KCNH5: variants seen among roughly 807,000 people sequenced by gnomAD.
KCNH5 encodes voltage-gated delayed rectifier potassium channel KCNH5.
In KCNH5, 46 loss-of-function variants were observed where a neutral mutation model predicts 96.1. The observed-to-expected ratio is 0.48, with a 90% CI of 0.38 to 0.61. The LOEUF is 0.61. Ranked by LOEUF, KCNH5 falls within the 20% of genes least tolerant of loss-of-function variation. The pLI, the probability that KCNH5 is intolerant of heterozygous loss-of-function variation, is 0.00. For missense variants in KCNH5, 907 were observed against 1,225.8 expected (o/e 0.74, Z 3.88); for synonymous variants, 439 against 449.8 (o/e 0.98, Z 0.30).
chr14:62,884,125 T>C (rs1244663758), intron 7 of KCNH5, among the ~76,000 whole-genome samples: 1 of 152,208 alleles, frequency 6.6e-6, no homozygotes, highest in Non-Finnish European at 1.5e-5. Flanking sequence ...TGTTAGAATT[T>C]AAAATATTTT....
intron 7 of KCNH5, among the ~76,000 whole-genome samples, chr14:62,861,750 A>G (rs1453603568): frequency 6.6e-6 from 1 of 151,734 alleles, no homozygotes; most frequent in African/African-American, 2.4e-5. Flanking sequence ...AAATTCTTTG[A>G]TTGCATCTTT....
At chr14:62,945,615 C>T (rs554159609) in intron 7 of KCNH5, among the ~76,000 whole-genome samples, 1 of 152,112 alleles carries the variant, frequency 6.6e-6, no homozygotes, top group Admixed American at 6.5e-5. Flanking sequence ...GGGTTCGGAT[C>T]GTGGTAGGGA....
chr14:62,961,232 A>T (rs1253381941), intron 6 of KCNH5, among the ~76,000 whole-genome samples: 1 of 152,158 alleles, frequency 6.6e-6, no homozygotes, highest in Non-Finnish European at 1.5e-5. Context: ...CTACCTCTTC[A>T]GACTCACCTT....
At chr14:62,816,005 T>C (rs561513398) in intron 8 of KCNH5, among the ~76,000 whole-genome samples, 2 of 151,930 alleles carry the variant, frequency 1.3e-5, no homozygotes, top group South Asian at 4.1e-4. Context: ...AATTTGAGAG[T>C]TGATGATATA....
At chr14:62,843,891 C>T (rs760440617) in intron 8 of KCNH5, among the ~76,000 whole-genome samples, 22 of 151,444 alleles carry the variant, frequency 1.5e-4, no homozygotes, top group Admixed American at 5.9e-4. Context: ...TCTAGTAATA[C>T]GATGAAATAT....
chr14:62,897,680 C>T (rs1211049213), intron 7 of KCNH5, among the ~76,000 whole-genome samples: 4 of 151,852 alleles, frequency 2.6e-5, no homozygotes, highest in African/African-American at 9.7e-5. Flanking sequence ...TGATAGATGT[C>T]AATAAGTGAA....
intron 6 of KCNH5, among the ~76,000 whole-genome samples, chr14:62,953,004 T>C (rs1890035859): frequency 6.6e-6 from 1 of 152,040 alleles, no homozygotes; most frequent in African/African-American, 2.4e-5. Context: ...ATAAAGTATA[T>C]ATAAAATATC....
intron 1 of KCNH5, among the ~76,000 whole-genome samples, chr14:63,021,059 T>C (rs1208409331): frequency 6.6e-6 from 1 of 152,122 alleles, no homozygotes; most frequent in Non-Finnish European, 1.5e-5. Context: ...AAAAATTGTT[T>C]TCTTTCTCGC....
At chr14:62,747,260 G>A (rs1470839455) in intron 10 of KCNH5, among the ~76,000 whole-genome samples, 2 of 152,030 alleles carry the variant, frequency 1.3e-5, no homozygotes, top group East Asian at 1.9e-4. Context: ...GCTTGAATTC[G>A]GTAGGTAGAG....
intron 7 of KCNH5, among the ~76,000 whole-genome samples, chr14:62,941,928 T>C (rs1490599962): frequency 6.6e-6 from 1 of 152,186 alleles, no homozygotes; most frequent in Non-Finnish European, 1.5e-5. Context: ...CCTGATCCTT[T>C]ACCCTGAGAC....
At chr14:62,878,210 G>A (rs12893788) in intron 7 of KCNH5, among the ~76,000 whole-genome samples, 1 of 138,082 alleles carries the variant, frequency 7.2e-6, no homozygotes, top group African/African-American at 2.6e-5. Flanking sequence ...ATGGGGGGGG[G>A]GGCGGAGGGA....
intron 8 of KCNH5, among the ~76,000 whole-genome samples, chr14:62,836,842 C>T (rs1012823758): frequency 1.3e-5 from 2 of 152,118 alleles, no homozygotes; most frequent in African/African-American, 4.8e-5. Flanking sequence ...GCCTGATGTA[C>T]TGCCTGGAAC....
chr14:62,922,906 A>G (rs1017233438), intron 7 of KCNH5, among the ~76,000 whole-genome samples: 22 of 151,908 alleles, frequency 1.4e-4, no homozygotes, highest in Non-Finnish European at 2.8e-4. Flanking sequence ...CATTCTCACC[A>G]CTTCTATTCA....
intron 7 of KCNH5, among the ~76,000 whole-genome samples, chr14:62,945,653 G>T (rs926945954): frequency 1.3e-5 from 2 of 152,094 alleles, no homozygotes; most frequent in African/African-American, 4.8e-5. Flanking sequence ...AAAGAGTAGA[G>T]ACTACAGGTT....
chr14:62,845,106 T>C (rs995353200), intron 8 of KCNH5, among the ~76,000 whole-genome samples: 1 of 152,050 alleles, frequency 6.6e-6, no homozygotes, highest in African/African-American at 2.4e-5. Context: ...TGATAACCTC[T>C]ATTTAAAATA....
chr14:63,003,622 A>ATTTTTT (rs1378476183), intron 3 of KCNH5, among the ~76,000 whole-genome samples: 1 of 111,380 alleles, frequency 9.0e-6, no homozygotes, highest in African/African-American at 3.9e-5. Flanking sequence ...ATATATATAT[A>ATTTTTT]TATTTTTTTT....
chr14:62,936,517 A>T (rs895029283), intron 7 of KCNH5, among the ~76,000 whole-genome samples: 2 of 151,700 alleles, frequency 1.3e-5, no homozygotes, highest in African/African-American at 4.9e-5. Context: ...TTACCAAAAA[A>T]TACAAAAATC....
At chr14:62,978,133 C>A (rs1890536373) in intron 6 of KCNH5, among the ~76,000 whole-genome samples, 1 of 152,186 alleles carries the variant, frequency 6.6e-6, no homozygotes, top group Admixed American at 6.5e-5. Context: ...AAATGATTAA[C>A]AACTAGCTCT....
At chr14:62,918,320 A>C (rs756444503) in intron 7 of KCNH5, among the ~76,000 whole-genome samples, 1 of 152,174 alleles carries the variant, frequency 6.6e-6, no homozygotes. Context: ...CTACAAGTAC[A>C]GAAGGCCCCA....
Sources: gnomAD v4.1 joint callset for allele counts (sites outside exome capture counted in the v4.1 genomes callset) on GRCh38, gnomAD v4.1.1 for gene constraint, MANE v1.5 for transcripts, NCBI Gene and HGNC (gene_info 2026-07-23, HGNC 2026-07-21) for gene names.